The following TOP1 variants were observed in gnomAD, a reference collection of about 807,000 sequenced individuals.
TOP1 encodes the protein DNA topoisomerase I.
In TOP1, 10 loss-of-function variants were observed where a neutral mutation model predicts 111.1. The ratio of observed to expected loss-of-function variants is 0.09; its 90% CI spans 0.06 to 0.15. The LOEUF (loss-of-function observed/expected upper bound fraction) is 0.15. Among genes scored for constraint, TOP1 ranks in the 10% least tolerant of loss-of-function variants. TOP1 has a pLI of 1.00. For missense variants in TOP1, 474 were observed against 926.7 expected (o/e 0.51, Z 6.34); for synonymous variants, 271 against 302.9 (o/e 0.89, Z 1.10).
chr20:41,120,276 G>A (rs760580247), intron 18 of TOP1, among the ~76,000 whole-genome samples: 1 of 152,248 alleles, frequency 6.6e-6, no homozygotes, highest in South Asian at 2.1e-4. Context: ...GGACAACATA[G>A]ATGTTGGAAG....
Position 41,112,698 on chromosome 20 carries a change from G to A in TOP1, c.1309-84G>A. ...ATTAGCTAGCTGGGATTATAGGCTT[G>A]CGCCACCTTGCCTGGCTATATTCAA... On this transcript the variant is annotated intron_variant, in intron 13 of 20. Coordinates refer to ENST00000361337, the MANE Select transcript of TOP1 (RefSeq NM_003286.4). This position sits in a 1 kb window ranked among gnomAD's most constrained non-coding sequence, Gnocchi z 5.8. The A allele has an allele frequency of 6.9e-7, 1 of 1,457,906 alleles. No individual in the cohort carries two copies. The highest frequency in any genetic ancestry group is 1.3e-5 in the South Asian group (1 of 77,768). The allele number at this position is 1,457,906 out of a possible 1,614,324, so 90.3% of individuals were successfully genotyped here. A position where few individuals can be genotyped will look rare whatever the true frequency, so the allele number is the denominator to read the frequency against.
intron 2 of TOP1, among the ~76,000 whole-genome samples, chr20:41,052,393 A>G (rs1476709538): frequency 6.6e-6 from 1 of 152,128 alleles, no homozygotes; most frequent in Admixed American, 6.5e-5. Flanking sequence ...TCTTCCCCTC[A>G]TGTAATTTGT....
intron 13 of TOP1, among the ~76,000 whole-genome samples, chr20:41,108,103 C>A (rs1236867510): frequency 6.6e-6 from 1 of 152,174 alleles, no homozygotes; most frequent in Non-Finnish European, 1.5e-5. Context: ...AGGGTGGTAA[C>A]TGGTGGTTTT....
In TOP1 at chr20:41,032,258, T is replaced by C. The variant is rs1432035596; in HGVS notation, c.58+2803T>C. On this transcript the variant is annotated intron_variant, in intron 2 of 20. Coordinates refer to ENST00000361337, the MANE Select transcript of TOP1 (RefSeq NM_003286.4). The surrounding 1 kb of genome is among the most constrained non-coding windows in gnomAD (Gnocchi z 4.3). ...AAGATTCCCCCCCGTCCCCCCACTT[T>C]GGAGCTCATTCTTCGCAATATTTAA... 6.6e-6 allele frequency among the ~76,000 whole-genome samples: 1 copy of C among 152,108 alleles called. No homozygotes were observed. Among genetic ancestry groups the C allele is most frequent in the Non-Finnish European group, 1.5e-5 (1 of 68,028 alleles).
At chr20:41,087,003 A>C (rs968445228) in intron 8 of TOP1, among the ~76,000 whole-genome samples, 2 of 152,214 alleles carry the variant, frequency 1.3e-5, no homozygotes, top group Admixed American at 6.5e-5. Flanking sequence ...TAAATGGCAG[A>C]TACCCTTATT....
At position 41,029,332 on chromosome 20, in the gene TOP1, C is replaced by T. The variant is rs748703192; in HGVS notation, c.34-99C>T. ...TGGCCACCCCCGGGTCCCCGTCCTCCCCGGGGGCGCAGGGTGAGCCAGACC... is the reference window on the plus strand; with the variant it reads ...TGGCCACCCCCGGGTCCCCGTCCTCTCCGGGGGCGCAGGGTGAGCCAGACC... On this transcript the variant is annotated intron_variant, in intron 1 of 20. Transcript: ENST00000361337. The surrounding 1 kb of genome is among the most constrained non-coding windows in gnomAD (Gnocchi z 6.1). 12 of 1,165,540 alleles carry T rather than the reference C, an allele frequency of 1.0e-5. No individual in the cohort carries two copies. Among genetic ancestry groups the T allele is most frequent in the Non-Finnish European group, 1.4e-5 (12 of 859,332 alleles). The allele number at this position is 1,165,540 out of a possible 1,614,324, so 72.2% of individuals were successfully genotyped here.
Position 41,092,456 on chromosome 20 carries a change from G to A in TOP1, c.615-16G>A. 2.9e-6 allele frequency: 4 copies of A among 1,364,518 alleles called. No individual in the cohort carries two copies. Among genetic ancestry groups the A allele is most frequent in the Non-Finnish European group, 4.1e-6 (4 of 983,082 alleles). The allele number at this position is 1,364,518 out of a possible 1,614,324, so 84.5% of individuals were successfully genotyped here. ...CAAGGCGATCACTAAATGAGGCTGTGCTTTGTCTTTTAAAGGTGGGAAGAA... is the reference window on the plus strand; with the variant it reads ...CAAGGCGATCACTAAATGAGGCTGTACTTTGTCTTTTAAAGGTGGGAAGAA... On this transcript the variant is annotated splice_polypyrimidine_tract_variant and intron_variant, in intron 8 of 20. Transcript: ENST00000361337. This position sits in a 1 kb window ranked among gnomAD's most constrained non-coding sequence, Gnocchi z 4.3.
At chr20:41,089,042 T>TTTTTTTTTG (rs2033885335) in intron 8 of TOP1, among the ~76,000 whole-genome samples, 1 of 132,320 alleles carries the variant, frequency 7.6e-6, no homozygotes, top group Non-Finnish European at 1.6e-5. Context: ...TTTTTTTTTT[T>TTTTTTTTTG]GAGACAGAGT....
chr20:41,096,506 T>A (rs1435706323), intron 9 of TOP1, among the ~76,000 whole-genome samples: 1 of 152,200 alleles, frequency 6.6e-6, no homozygotes, highest in Non-Finnish European at 1.5e-5. Flanking sequence ...CAAACTCTAG[T>A]GTGCATCCAA....
chr20:41,105,182 T>C (rs1349651090), intron 13 of TOP1, among the ~76,000 whole-genome samples: 1 of 152,204 alleles, frequency 6.6e-6, no homozygotes, highest in Admixed American at 6.5e-5. Context: ...TTTTGCAGTA[T>C]ATTTATGTGT....
intron 8 of TOP1, among the ~76,000 whole-genome samples, chr20:41,088,221 G>A (rs772227394): frequency 2.6e-5 from 4 of 152,194 alleles, no homozygotes; most frequent in Non-Finnish European, 5.9e-5. Flanking sequence ...CTGTAGGGCC[G>A]GGCGTGGTGG....
Position 41,116,640 on chromosome 20 carries a change from A to C in TOP1, c.1822+248A>C, listed in dbSNP as rs952608843. Among the ~76,000 whole-genome samples the C allele has an allele frequency of 2.0e-5, 3 of 152,218 alleles. No homozygotes were observed. The highest frequency in any genetic ancestry group is 7.2e-5 in the African/African-American group (3 of 41,454). Reference sequence around the variant, plus strand: ...TGCTGACAGCTTTTCACCTGCTACAAAAATGCCTGCATTTGTGTTTTATAC... The same window carrying C: ...TGCTGACAGCTTTTCACCTGCTACACAAATGCCTGCATTTGTGTTTTATAC... On this transcript the variant is annotated intron_variant, in intron 17 of 20. Coordinates refer to ENST00000361337, the MANE Select transcript of TOP1 (RefSeq NM_003286.4). The surrounding 1 kb of genome is among the most constrained non-coding windows in gnomAD (Gnocchi z 5.6).
chr20:41,063,072 A>T (rs1364910003), intron 3 of TOP1, among the ~76,000 whole-genome samples: 1 of 152,162 alleles, frequency 6.6e-6, no homozygotes, highest in Admixed American at 6.5e-5. Context: ...CCCAACAATT[A>T]GTTTTTCAAC....
At chr20:41,038,368 G>C (rs1340456719) in intron 2 of TOP1, among the ~76,000 whole-genome samples, 1 of 152,188 alleles carries the variant, frequency 6.6e-6, no homozygotes, top group Non-Finnish European at 1.5e-5. Context: ...GAAAGGTGAA[G>C]CTTAGAACAG....
chr20:41,108,170 T>C (rs1433959919), intron 13 of TOP1, among the ~76,000 whole-genome samples: 1 of 152,222 alleles, frequency 6.6e-6, no homozygotes, highest in Non-Finnish European at 1.5e-5. Context: ...GATGCTTTTG[T>C]TCTACACATT....
rs777293134 is a variant in TOP1 at position 41,080,106 on chromosome 20, A to G, written c.357A>G (p.Glu119=). 19 of 1,611,298 alleles carry G rather than the reference A, an allele frequency of 1.2e-5. No individual in the cohort carries two copies. Among genetic ancestry groups the G allele is most frequent in the Non-Finnish European group, 1.4e-5 (17 of 1,178,802 alleles). Reference sequence around the variant, plus strand: ...TTAGTCCACCACAAATTAAAGATGAACCTGAAGATGATGGCTATTTTGTTC... The same window carrying G: ...TTAGTCCACCACAAATTAAAGATGAGCCTGAAGATGATGGCTATTTTGTTC... ...GFSSPPQIKD[E]PEDDGYFVPP... Residue 119 remains glutamate (E), a synonymous_variant, in exon 6 of 21, where the codon GAA becomes GAG. Coordinates refer to ENST00000361337, the MANE Select transcript of TOP1 (RefSeq NM_003286.4). This position sits in a 1 kb window ranked among gnomAD's most constrained non-coding sequence, Gnocchi z 5.0.
Position 41,067,433 on chromosome 20 carries a change from A to G in TOP1, c.155+5943A>G, listed in dbSNP as rs539099096. On this transcript the variant is annotated intron_variant, in intron 3 of 20. Transcript: ENST00000361337. The surrounding 1 kb of genome is among the most constrained non-coding windows in gnomAD (Gnocchi z 4.0). ...CACACCCGGCCTCCAGTAAAATTTT[A>G]TATACACTGTGATCCTTTTAAAGTA... Among the ~76,000 whole-genome samples, 3 of 152,272 alleles carry G rather than the reference A, an allele frequency of 2.0e-5. No individual in the cohort carries two copies. The highest frequency in any genetic ancestry group is 2.1e-4 in the South Asian group (1 of 4,822).
At position 41,121,209 on chromosome 20, in the gene TOP1, C is replaced by T. The variant is rs890409987; in HGVS notation, c.1951-487C>T. Among the ~76,000 whole-genome samples, 3 of 152,176 alleles carry T rather than the reference C, an allele frequency of 2.0e-5. No individual in the cohort carries two copies. Among genetic ancestry groups the T allele is most frequent in the African/African-American group, 7.2e-5 (3 of 41,442 alleles). The stretch of plus-strand genomic sequence containing the variant: ...ATTTTCCTTGAGAAGCTGGCACCGC[C>T]TTCCCAGAGTACTGGTGGGATCTGA... On this transcript the variant is annotated intron_variant, in intron 18 of 20. Coordinates refer to ENST00000361337, the MANE Select transcript of TOP1 (RefSeq NM_003286.4). The surrounding 1 kb of genome is among the most constrained non-coding windows in gnomAD (Gnocchi z 4.2).
intron 2 of TOP1, among the ~76,000 whole-genome samples, chr20:41,042,326 G>A (rs1422253281): frequency 6.6e-6 from 1 of 152,226 alleles, no homozygotes; most frequent in East Asian, 1.9e-4. Flanking sequence ...TTACCAAATA[G>A]CAGATATAGT....
Sources: allele counts gnomAD v4.1 joint callset (sites outside exome capture counted in the v4.1 genomes callset), GRCh38; gene constraint gnomAD v4.1.1; non-coding constraint Gnocchi (gnomAD v3.1); transcripts MANE v1.5; gene names NCBI Gene and HGNC (gene_info 2026-07-23, HGNC 2026-07-21).